Variants in BANK1 observed in about 807,000 individuals in gnomAD.
BANK1 encodes the protein B cell scaffold protein with ankyrin repeats 1.
Under a neutral mutation model 94.5 loss-of-function variants are expected in BANK1, and 95 were observed. That is an observed-to-expected ratio of 1.00 (90% confidence interval 0.85 to 1.19). The LOEUF (loss-of-function observed/expected upper bound fraction) is 1.19. BANK1 is among the 50% of genes most tolerant of loss of function. The pLI is 0.00. For synonymous variants in BANK1, 334 were observed against 308.4 expected (o/e 1.08, Z -0.87); for missense variants, 987 against 932.2 (o/e 1.06, Z -0.77).
At chr4:101,797,634 C>CACA (rs1725203268) in intron 1 of BANK1, among the ~76,000 whole-genome samples, 1 of 152,074 alleles carries the variant, frequency 6.6e-6, no homozygotes, top group Non-Finnish European at 1.5e-5. Flanking sequence ...TGAAGAATGA[C>CACA]ACCAAGGGTT....
intron 2 of BANK1, among the ~76,000 whole-genome samples, chr4:101,848,298 C>T (rs898087688): frequency 2.6e-5 from 4 of 152,106 alleles, no homozygotes; most frequent in Admixed American, 6.6e-5. Context: ...TGTAGTTAAT[C>T]TGGAGCTAAA....
chr4:102,026,856 G>A (rs1328760165), intron 9 of BANK1, among the ~76,000 whole-genome samples: 2 of 150,060 alleles, frequency 1.3e-5, no homozygotes, highest in Non-Finnish European at 3.0e-5. Context: ...TTTAGCATTT[G>A]TGTCATTGAA....
At chr4:101,948,299 A>T (rs1724008479) in intron 7 of BANK1, among the ~76,000 whole-genome samples, 1 of 152,100 alleles carries the variant, frequency 6.6e-6, no homozygotes, top group African/African-American at 2.4e-5. Context: ...TATTGGTGTC[A>T]TGCTCAGATG....
At chr4:102,046,887 A>G (rs1336394110) in intron 11 of BANK1, among the ~76,000 whole-genome samples, 2 of 152,166 alleles carry the variant, frequency 1.3e-5, no homozygotes, top group Admixed American at 1.3e-4. Flanking sequence ...TGGCAGAGGT[A>G]GGGGGTAACA....
chr4:102,035,812 G>T (rs1217313687), intron 10 of BANK1, among the ~76,000 whole-genome samples: 2 of 151,996 alleles, frequency 1.3e-5, no homozygotes, highest in African/African-American at 2.4e-5. Context: ...CCTGTTTTCA[G>T]ATATATTTTC....
intron 10 of BANK1, among the ~76,000 whole-genome samples, chr4:102,041,710 C>T (rs1271487108): frequency 2.0e-5 from 3 of 152,008 alleles, no homozygotes; most frequent in Non-Finnish European, 2.9e-5. Flanking sequence ...CCTACAGCCT[C>T]ATCCCAATAT....
At chr4:102,057,570 A>G (rs1430974397) in intron 11 of BANK1, among the ~76,000 whole-genome samples, 4 of 151,942 alleles carry the variant, frequency 2.6e-5, no homozygotes, top group African/African-American at 7.3e-5. Context: ...GGCTCAACCA[A>G]TCCACCTGCA....
chr4:101,967,844 A>G (rs951742578), intron 7 of BANK1, among the ~76,000 whole-genome samples: 1 of 152,128 alleles, frequency 6.6e-6, no homozygotes, highest in Admixed American at 6.6e-5. Flanking sequence ...GAAATTAAAC[A>G]GCCATATGGA....
In BANK1 at chr4:101,895,320, C is replaced by A. The variant is rs1722029233; in HGVS notation, c.919C>A (p.Leu307Ile). Residue 307 changes from leucine (L) to isoleucine (I), a missense_variant, in exon 6 of 17, where the codon CTT becomes ATT. Transcript: ENST00000322953. ...TTGAAAACAGAATAGCATTGAAGAA[C>A]TTGATGGTGTCCTTACATCCATATT... ...ESLCQNSIEE[L>I]DGVLTSIFKH... 6.3e-7 allele frequency: 1 copy of A among 1,581,392 alleles called. No individual in the cohort carries two copies. Among genetic ancestry groups the A allele is most frequent in the East Asian group, 2.3e-5 (1 of 42,610 alleles).
intron 7 of BANK1, among the ~76,000 whole-genome samples, chr4:101,989,297 G>A (rs1314668390): frequency 6.6e-6 from 1 of 151,750 alleles, no homozygotes; most frequent in African/African-American, 2.4e-5. Context: ...ACAAAAATGT[G>A]GTGAGCACCT....
chr4:101,865,308 A>T (rs1728026796), intron 4 of BANK1, among the ~76,000 whole-genome samples: 1 of 152,128 alleles, frequency 6.6e-6, no homozygotes. Flanking sequence ...GTTAATTTTG[A>T]TGAATGTCTG....
chr4:101,884,496 T>G (rs1390844544), intron 5 of BANK1, among the ~76,000 whole-genome samples: 2 of 152,204 alleles, frequency 1.3e-5, no homozygotes, highest in Non-Finnish European at 2.9e-5. Context: ...CAAGTTTTGA[T>G]TCTTAGACTC....
At chr4:102,022,808 C>T (rs1726958892) in intron 8 of BANK1, among the ~76,000 whole-genome samples, 1 of 152,122 alleles carries the variant, frequency 6.6e-6, no homozygotes, top group Non-Finnish European at 1.5e-5. Context: ...CCTACAAGGC[C>T]CTAATCTTTG....
intron 1 of BANK1, among the ~76,000 whole-genome samples, chr4:101,824,258 G>C (rs954573067): frequency 6.6e-6 from 1 of 152,164 alleles, no homozygotes; most frequent in East Asian, 1.9e-4. Flanking sequence ...TAGCACCAGC[G>C]AAAGTCCTCA....
chr4:102,057,856 T>C (rs1728282417), intron 11 of BANK1, among the ~76,000 whole-genome samples: 1 of 152,186 alleles, frequency 6.6e-6, no homozygotes, highest in South Asian at 2.1e-4. Flanking sequence ...AGTATTATTA[T>C]AGAAAGTTAG....
At chr4:101,891,312 A>ATATTT (rs950212986) in intron 5 of BANK1, among the ~76,000 whole-genome samples, 31 of 152,084 alleles carry the variant, frequency 2.0e-4, no homozygotes, top group African/African-American at 7.5e-4. Flanking sequence ...CACTTGACAA[A>ATATTT]TATTTTGCCA....
intron 2 of BANK1, among the ~76,000 whole-genome samples, chr4:101,848,679 T>G (rs903612136): frequency 6.6e-6 from 1 of 152,258 alleles, no homozygotes; most frequent in African/African-American, 2.4e-5. Context: ...GCTTCATGCT[T>G]TATTATTTAA....
intron 1 of BANK1, among the ~76,000 whole-genome samples, chr4:101,801,518 C>G (rs892124341): frequency 2.6e-5 from 4 of 152,170 alleles, no homozygotes; most frequent in Non-Finnish European, 2.9e-5. Flanking sequence ...TGAGATTACT[C>G]TCATAAAAAT....
chr4:101,971,170 A>T (rs1724939021), intron 7 of BANK1, among the ~76,000 whole-genome samples: 1 of 152,186 alleles, frequency 6.6e-6, no homozygotes, highest in Non-Finnish European at 1.5e-5. Flanking sequence ...CTGGGCAATA[A>T]ATAATGCTAA....
Sources: gnomAD v4.1 joint callset for allele counts (sites outside exome capture counted in the v4.1 genomes callset) on GRCh38, gnomAD v4.1.1 for gene constraint, MANE v1.5 for transcripts, NCBI Gene and HGNC (gene_info 2026-07-23, HGNC 2026-07-21) for gene names.